BIRC6: variants seen among roughly 807,000 people sequenced by gnomAD.
BIRC6 encodes the protein dual E2 ubiquitin-conjugating enzyme/E3 ubiquitin-protein ligase BIRC6.
BIRC6 carries 98 observed loss-of-function variants against 503.3 expected under a neutral mutation model. That is an observed-to-expected ratio of 0.19 (90% CI 0.17 to 0.23). The LOEUF (loss-of-function observed/expected upper bound fraction) is 0.23. Ranked by LOEUF, BIRC6 falls within the 10% of genes least tolerant of loss-of-function variation. The pLI is 1.00. For synonymous variants in BIRC6, 2,240 were observed against 2,078.7 expected (o/e 1.08, Z -2.11); for missense variants, 5,360 against 5,806.0 (o/e 0.92, Z 2.50).
At chr2:32,404,805 G>T (rs879660383) in intron 8 of BIRC6, among the ~76,000 whole-genome samples, 1 of 151,930 alleles carries the variant, frequency 6.6e-6, no homozygotes, top group Non-Finnish European at 1.5e-5. Context: ...GGGACTAAAG[G>T]CATGTACCAC....
At chr2:32,596,623 A>C (rs1412751455) in intron 68 of BIRC6, among the ~76,000 whole-genome samples, 1 of 152,166 alleles carries the variant, frequency 6.6e-6, no homozygotes, top group African/African-American at 2.4e-5. Context: ...GGAGGGGAAG[A>C]GTGTCAGAAA....
intron 65 of BIRC6, chr2:32,564,964 A>T (rs1323192534): frequency 6.6e-6 from 1 of 152,244 alleles, no homozygotes; most frequent in Non-Finnish European, 1.5e-5. Context: ...TTCACATACC[A>T]CAGACTCTTG....
At chr2:32,606,589 T>C (rs2062471791) in intron 71 of BIRC6, among the ~76,000 whole-genome samples, 1 of 151,658 alleles carries the variant, frequency 6.6e-6, no homozygotes, top group African/African-American at 2.4e-5. Flanking sequence ...CAAGACTCCA[T>C]CTCAAAGAAA....
chr2:32,479,723 G>C (rs995837182), intron 37 of BIRC6, 106 bp downstream of exon 37: 36 of 1,051,080 alleles, frequency 3.4e-5, no homozygotes, highest in Non-Finnish European at 4.3e-5. Context: ...TTTTCTATTA[G>C]TTCTTTGGCC....
chr2:32,580,634 A>G (rs1482363368), intron 66 of BIRC6, among the ~76,000 whole-genome samples: 3 of 152,214 alleles, frequency 2.0e-5, no homozygotes, highest in African/African-American at 7.2e-5. Context: ...TCAGGTTTGC[A>G]TTATAGAAAG....
chr2:32,391,310 A>G (rs1056778115), intron 4 of BIRC6, among the ~76,000 whole-genome samples: 2 of 152,164 alleles, frequency 1.3e-5, no homozygotes, highest in Admixed American at 6.5e-5. Context: ...GAGCCTCTGA[A>G]GGCTTTGATG....
intron 10 of BIRC6, among the ~76,000 whole-genome samples, chr2:32,419,987 A>G (rs1438942272): frequency 2.6e-5 from 4 of 152,202 alleles, no homozygotes; most frequent in Non-Finnish European, 5.9e-5. Context: ...TTAGTTCAGT[A>G]TGGTAAAATA....
chr2:32,423,674 AC>A (rs927825547), intron 10 of BIRC6, among the ~76,000 whole-genome samples: 4 of 150,628 alleles, frequency 2.7e-5, no homozygotes, highest in Non-Finnish European at 5.9e-5. Flanking sequence ...GGGCCCATCC[AC>A]CCCCCCAATC....
At chr2:32,436,924 TG>T in intron 15 of BIRC6, among the ~76,000 whole-genome samples, 1 of 147,318 alleles carries the variant, frequency 6.8e-6, no homozygotes, top group Non-Finnish European at 1.5e-5. Flanking sequence ...AGTTTTGCTC[TG>T]TTACCCAGGT....
rs2041564720 is a variant in BIRC6, at chr2:32,409,049, CT to C, written c.1477+2494del. Among the ~76,000 whole-genome samples the C allele has an allele frequency of 2.0e-5, 3 of 152,120 alleles. No individual in the cohort carries two copies. The South Asian group carries it at 6.2e-4, about 32-fold the overall frequency. ...AAAAGTGATAAGGTACCATTTCAGA[CT>C]TATCAGAGCATATCCAATTTGGTGG... is the stretch of plus-strand genomic sequence containing the variant. On this transcript the variant is annotated intron_variant, in intron 9 of 73. Transcript: ENST00000421745.
chr2:32,458,335 C>T (rs974076804), intron 23 of BIRC6, among the ~76,000 whole-genome samples: 1 of 152,132 alleles, frequency 6.6e-6, no homozygotes, highest in Non-Finnish European at 1.5e-5. Flanking sequence ...TTAGCTGATA[C>T]CTTTCACAGC....
chr2:32,475,864 GAAATATTAAGCAATA>G (rs1194658865), intron 33 of BIRC6, among the ~76,000 whole-genome samples: 40 of 151,748 alleles, frequency 2.6e-4, no homozygotes, highest in African/African-American at 9.0e-4. Flanking sequence ...ACAAAGCTAA[GAAATATTAAGCAATA>G]AAATATTTTT....
At chr2:32,582,789 A>T (rs141006634) in intron 66 of BIRC6, among the ~76,000 whole-genome samples, 265 of 152,126 alleles carry the variant, frequency 1.7e-3, no homozygotes, top group African/African-American at 5.8e-3. Context: ...AAAAAACTAG[A>T]ATGACTGCTT....
Position 32,478,684 on chromosome 2 carries a change from A to G in BIRC6, c.7118A>G (p.Glu2373Gly). 6.2e-7 allele frequency: 1 copy of G among 1,613,950 alleles called. No individual in the cohort carries two copies. Among genetic ancestry groups the G allele is most frequent in the Non-Finnish European group, 8.5e-7 (1 of 1,179,874 alleles). Residue 2373 changes from glutamate to glycine, a missense_variant, in exon 36 of 74, where the codon GAG becomes GGG. By Grantham distance (98) the Glu-to-Gly change is moderately conservative (BLOSUM62 -2). This residue lies in a region of BIRC6 where 2,299 missense variants were observed against 2,267.2 expected (regional missense o/e 1.01). Coordinates refer to ENST00000421745, the MANE Select transcript of BIRC6 (RefSeq NM_016252.4). ...ACGAGGCCAACTATTCATCTGTGTG[A>G]GATTGTGAACGAACCCCAGCTGGAA... ...NATRPTIHLCEIVNEPQLERL... is the reference protein window; with the variant it reads ...NATRPTIHLCGIVNEPQLERL...
rs887303244 is a variant in BIRC6 at position 32,471,263 on chromosome 2, C to G, written c.6592+139C>G. 9.2e-5 allele frequency: 99 copies of G among 1,071,584 alleles called. 1 individual carries two copies. The highest frequency in any genetic ancestry group is 1.3e-4 in the Non-Finnish European group (96 of 765,474). 66.4% of individuals were successfully genotyped at this position (1,071,584 alleles called of 1,614,324 possible). On this transcript the variant is annotated intron_variant, in intron 32 of 73. Transcript: ENST00000421745. ...AGCTGTATGTAATTTAAGGAAAATA[C>G]AAATGAACTTCACTACAATTCTGTT...
intron 45 of BIRC6, among the ~76,000 whole-genome samples, chr2:32,497,599 G>C (rs907686844): frequency 3.3e-5 from 5 of 152,080 alleles, no homozygotes; most frequent in African/African-American, 1.2e-4. Context: ...GAAGGAAGTT[G>C]TTCCTTTACA....
At chr2:32,458,697 T>C (rs1350701264) in intron 23 of BIRC6, among the ~76,000 whole-genome samples, 1 of 140,176 alleles carries the variant, frequency 7.1e-6, no homozygotes, top group Non-Finnish European at 1.5e-5. Context: ...TTTTTTTTTT[T>C]TTTTTTTTTT....
intron 23 of BIRC6, among the ~76,000 whole-genome samples, chr2:32,461,071 TC>T (rs2047894012): frequency 1.8e-4 from 1 of 5,656 alleles, no homozygotes; most frequent in African/African-American, 5.2e-4. Flanking sequence ...TCTTCTGTTC[TC>T]CTCTCCTCTC....
At chr2:32,380,313 C>T (rs2037435190) in intron 3 of BIRC6, 23 bp downstream of exon 3, 13 of 1,571,374 alleles carry the variant, frequency 8.3e-6, no homozygotes, top group Non-Finnish European at 1.1e-5. Context: ...TAGATTGCCT[C>T]TTTTGGGGTT....
Sources: gnomAD v4.1 joint callset for allele counts (sites outside exome capture counted in the v4.1 genomes callset) on GRCh38, gnomAD v4.1.1 for gene constraint, gnomAD v4.1.1 regional missense constraint, MANE v1.5 for transcripts, NCBI Gene and HGNC (gene_info 2026-07-23, HGNC 2026-07-21) for gene names.